The following MMAA variants were observed in gnomAD, a reference collection of about 807,000 sequenced individuals.
The protein encoded by MMAA is methylmalonic aciduria type A protein, mitochondrial.
In MMAA, 41 loss-of-function variants were observed where a neutral mutation model predicts 45.0. The observed-to-expected ratio is 0.91, with a 90% confidence interval of 0.71 to 1.18. MMAA has a LOEUF of 1.18. MMAA is among the 50% of genes most tolerant of loss of function. The pLI is 0.00. For missense variants in MMAA, 460 were observed against 495.7 expected (o/e 0.93, Z 0.68); for synonymous variants, 154 against 178.2 (o/e 0.86, Z 1.08).
Position 145,656,396 on chromosome 4 carries a change from T to A in MMAA, c.*962T>A, listed in dbSNP as rs1728232377. 1 of 152,176 alleles carries A rather than the reference T, an allele frequency of 6.6e-6. No individual in the cohort carries two copies. The highest frequency in any genetic ancestry group is 1.5e-5 in the Non-Finnish European group (1 of 68,016). 9.4% of individuals were successfully genotyped at this position (152,176 alleles called of 1,614,324 possible). A position where few individuals can be genotyped will look rare whatever the true frequency, so the allele number is the denominator to read the frequency against. On this transcript the variant is annotated 3_prime_UTR_variant, in exon 7 of 7. Transcript: ENST00000649156. ...ATTGTATATTAGCTACATGAGCTAATCTCTTTAAGCTTCCATTTCCTCCCT... is the reference window on the plus strand; with the variant it reads ...ATTGTATATTAGCTACATGAGCTAAACTCTTTAAGCTTCCATTTCCTCCCT...
chr4:145,639,787 G>A (rs1032247919), intron 2 of MMAA: 2 of 984,160 alleles, frequency 2.0e-6, no homozygotes, highest in African/African-American at 3.5e-5. Flanking sequence ...TGTATTTTAA[G>A]AAAATAATAT....
At chr4:145,630,634 A>G (rs1028943787) in intron 1 of MMAA, among the ~76,000 whole-genome samples, 8 of 152,236 alleles carry the variant, frequency 5.3e-5, no homozygotes, top group African/African-American at 1.9e-4. Context: ...GGGCTGAGGC[A>G]GGAGAATCGC....
intron 1 of MMAA, among the ~76,000 whole-genome samples, chr4:145,635,434 C>T (rs1275266173): frequency 6.6e-6 from 1 of 152,214 alleles, no homozygotes. Flanking sequence ...CATGCCACTG[C>T]TGCCAGGGCA....
intron 1 of MMAA, among the ~76,000 whole-genome samples, chr4:145,635,623 A>G (rs571179754): frequency 6.6e-6 from 1 of 152,314 alleles, no homozygotes; most frequent in African/African-American, 2.4e-5. Flanking sequence ...GTTTGGTAAT[A>G]GGAGGTAGTC....
At chr4:145,630,594 G>A (rs113518121) in intron 1 of MMAA, among the ~76,000 whole-genome samples, 11,639 of 152,194 alleles carry the variant, frequency 0.076, 536 homozygotes, top group Non-Finnish European at 0.1. Context: ...CGGGCATGGC[G>A]GCACATGCCT....
chr4:145,630,592 G>A (rs1360228549), intron 1 of MMAA, among the ~76,000 whole-genome samples: 1 of 152,154 alleles, frequency 6.6e-6, no homozygotes, highest in Non-Finnish European at 1.5e-5. Context: ...GCCGGGCATG[G>A]CGGCACATGC....
intron 1 of MMAA, among the ~76,000 whole-genome samples, chr4:145,632,362 G>C (rs781613436): frequency 4.6e-5 from 7 of 152,140 alleles, no homozygotes; most frequent in Non-Finnish European, 8.8e-5. Flanking sequence ...TGAAAAGCCT[G>C]CTTCCAGTCA....
chr4:145,621,449 A>G (rs1354290826), intron 1 of MMAA, among the ~76,000 whole-genome samples: 1 of 152,218 alleles, frequency 6.6e-6, no homozygotes, highest in Non-Finnish European at 1.5e-5. Context: ...TCCCTTCATG[A>G]ATTTGGTATT....
intron 1 of MMAA, chr4:145,625,774 G>A: frequency 2.5e-6 from 3 of 1,221,790 alleles, no homozygotes; most frequent in South Asian, 2.4e-5. Flanking sequence ...TGCTGAGCCT[G>A]CTGTTGAATT....
At chr4:145,651,505 G>C (rs1473812549) in intron 5 of MMAA, among the ~76,000 whole-genome samples, 1 of 152,152 alleles carries the variant, frequency 6.6e-6, no homozygotes, top group East Asian at 1.9e-4. Flanking sequence ...TTTATATGTT[G>C]TACAATGAGA....
Position 145,654,018 on chromosome 4 carries a change from A to T in MMAA, c.844A>T (p.Met282Leu). ...LQGIKRGIIE[M>L]ADLVAVTKSD... is the part of the protein sequence containing the mutation. ...GGGTATCAAAAGGGGTATAATCGAGATGGCAGATCTGGTAGCTGTAACTAA... is the reference window on the plus strand; with the variant it reads ...GGGTATCAAAAGGGGTATAATCGAGTTGGCAGATCTGGTAGCTGTAACTAA... Residue 282 changes from methionine to leucine, a missense_variant, in exon 6 of 7, where the codon ATG (methionine) becomes TTG (leucine). Met to Leu is a conservative substitution (Grantham distance 15, BLOSUM62 2). Coordinates refer to ENST00000649156, the MANE Select transcript of MMAA (RefSeq NM_172250.3). The T allele has an allele frequency of 6.2e-7, 1 of 1,614,188 alleles. No homozygotes were observed. The highest frequency in any genetic ancestry group is 8.5e-7 in the Non-Finnish European group (1 of 1,180,014).
intron 1 of MMAA, among the ~76,000 whole-genome samples, chr4:145,637,159 T>C (rs7677604): frequency 0.021 from 3,186 of 152,314 alleles, 60 homozygotes; most frequent in Non-Finnish European, 0.031. Flanking sequence ...AAAAGTAGTA[T>C]GTTCTTAGAA....
chr4:145,620,852 G>C (rs1734075303), intron 1 of MMAA, among the ~76,000 whole-genome samples: 2 of 152,200 alleles, frequency 1.3e-5, no homozygotes, highest in South Asian at 2.1e-4. Flanking sequence ...GGTTGGGAGA[G>C]TTGGCAGGTT....
At chr4:145,644,065 A>G (rs1727863417) in intron 3 of MMAA, among the ~76,000 whole-genome samples, 1 of 152,200 alleles carries the variant, frequency 6.6e-6, no homozygotes. Context: ...TTAAAGTTTG[A>G]GAAGCATTAG....
chr4:145,621,117 C>G (rs1265163253), intron 1 of MMAA, among the ~76,000 whole-genome samples: 1 of 152,192 alleles, frequency 6.6e-6, no homozygotes, highest in African/African-American at 2.4e-5. Flanking sequence ...TGATGCCAGG[C>G]CCTGTGCCAG....
chr4:145,627,729 C>T (rs79216755), intron 1 of MMAA, among the ~76,000 whole-genome samples: 9,734 of 152,140 alleles, frequency 0.064, 385 homozygotes, highest in Middle Eastern at 0.17. Context: ...ACTGAGTAGG[C>T]ATTTGTCAGC....
intron 1 of MMAA, chr4:145,626,061 G>T: frequency 9.8e-7 from 1 of 1,016,514 alleles, no homozygotes; most frequent in Non-Finnish European, 1.5e-6. Flanking sequence ...AGGTCCCAGT[G>T]CCTCTCTGGG....
intron 3 of MMAA, 128 bp from the exon 4 acceptor site, chr4:145,645,858 A>G (rs1727915462): frequency 1.3e-6 from 1 of 796,532 alleles, no homozygotes; most frequent in East Asian, 2.7e-5. Context: ...GTTGGAGAGA[A>G]GCTCAGTAAT....
chr4:145,651,843 G>C (rs1174178158), intron 5 of MMAA, among the ~76,000 whole-genome samples: 1 of 152,176 alleles, frequency 6.6e-6, no homozygotes, highest in Non-Finnish European at 1.5e-5. Flanking sequence ...AGATCATCAG[G>C]CATCAATTAG....
Sources: allele counts gnomAD v4.1 joint callset (sites outside exome capture counted in the v4.1 genomes callset), GRCh38; gene constraint gnomAD v4.1.1; transcripts MANE v1.5; gene names NCBI Gene and HGNC (gene_info 2026-07-23, HGNC 2026-07-21).